Variants in SNX31 observed in about 807,000 individuals in gnomAD.
The protein encoded by SNX31 is sorting nexin-31.
In SNX31, 58 loss-of-function variants were observed where a neutral mutation model predicts 65.4. The ratio of observed to expected loss-of-function variants is 0.89; its 90% confidence interval spans 0.72 to 1.10. SNX31 has a LOEUF of 1.10. Ranked by LOEUF, SNX31 falls within the 50% of genes least tolerant of loss-of-function variation. The pLI is 0.00. For missense variants in SNX31, 523 were observed against 529.7 expected, an observed-to-expected ratio of 0.99 and a Z score of 0.12; for synonymous variants, 181 against 190.1, an observed-to-expected ratio of 0.95 and a Z score of 0.39.
At position 100,629,032 on chromosome 8, in the gene SNX31, G is replaced by A. The variant is rs1366482746; in HGVS notation, c.321+1295C>T. Among the ~76,000 whole-genome samples, 1 of 152,130 alleles carries A rather than the reference G, an allele frequency of 6.6e-6. No homozygotes were observed. The highest frequency in any genetic ancestry group is 1.5e-5 in the Non-Finnish European group (1 of 68,026). On this transcript the variant is annotated intron_variant, in intron 4 of 13. Coordinates refer to ENST00000311812, the MANE Select transcript of SNX31 (RefSeq NM_152628.4). This position sits in a 1 kb window ranked among gnomAD's most constrained non-coding sequence, Gnocchi z 5.1. ...CATAGTATACAGGTTTGTAGCCTAGGGGCAGTAGGCTCTACCATCTAGGTT... is the reference window on the plus strand; with the variant it reads ...CATAGTATACAGGTTTGTAGCCTAGAGGCAGTAGGCTCTACCATCTAGGTT...
In SNX31 at chr8:100,594,003, A is replaced by T. The variant is rs187859318; in HGVS notation, c.978+2636T>A. Among the ~76,000 whole-genome samples, 25 of 152,220 alleles carry T rather than the reference A, an allele frequency of 1.6e-4. No homozygotes were observed. Among genetic ancestry groups the T allele is most frequent in the Non-Finnish European group, 2.9e-4 (20 of 67,998 alleles). On this transcript the variant is annotated intron_variant, in intron 10 of 13. Transcript: ENST00000311812. This position sits in a 1 kb window ranked among gnomAD's most constrained non-coding sequence, Gnocchi z 4.0. ...TCTGCAAAAGACCTTGTTTAAGAGG[A>T]TGAAAAACTATAGAGTGGGCCAGGT... is the stretch of plus-strand genomic sequence containing the variant.
intron 10 of SNX31, among the ~76,000 whole-genome samples, chr8:100,593,439 C>T (rs1814770484): frequency 6.6e-6 from 1 of 151,994 alleles, no homozygotes; most frequent in South Asian, 2.1e-4. Context: ...GGGATAACCA[C>T]CTTATTTTTA....
chr8:100,649,362 G>A lies in SNX31; in HGVS notation c.67-14C>T. The A allele has an allele frequency of 6.2e-7, 1 of 1,613,470 alleles. No homozygotes were observed. The highest frequency in any genetic ancestry group is 1.1e-5 in the South Asian group (1 of 91,056). On this transcript the variant is annotated splice_polypyrimidine_tract_variant and intron_variant, in intron 1 of 13. Transcript: ENST00000311812. ...CACGGAGTACAGCTGCAAACACACAGACACCCCGTCCCTGGTGAGCCGAGG... is the reference window on the plus strand; with the variant it reads ...CACGGAGTACAGCTGCAAACACACAAACACCCCGTCCCTGGTGAGCCGAGG...
Position 100,630,210 on chromosome 8 carries a change from A to G in SNX31, c.321+117T>C. ...GACTTGAAATGAATATATTTTGTCC[A>G]AGTCCAGGCTCTGTGGGGCTGTGAC... On this transcript the variant is annotated intron_variant, in intron 4 of 13. Transcript: ENST00000311812. The surrounding 1 kb of genome is among the most constrained non-coding windows in gnomAD (Gnocchi z 5.3). The G allele has an allele frequency of 1.1e-6, 1 of 880,566 alleles. No individual in the cohort carries two copies. The highest frequency in any genetic ancestry group is 1.7e-6 in the Non-Finnish European group (1 of 576,708). The allele number at this position is 880,566 out of a possible 1,614,324, so 54.5% of individuals were successfully genotyped here.
chr8:100,651,549 C>T (rs1819974084), upstream of SNX31, among the ~76,000 whole-genome samples: 1 of 152,222 alleles, frequency 6.6e-6, no homozygotes, highest in African/African-American at 2.4e-5. Context: ...GTGCAAGTCA[C>T]CGTCCTCTTG....
intron 10 of SNX31, among the ~76,000 whole-genome samples, chr8:100,589,528 G>A (rs565149818): frequency 3.7e-4 from 57 of 152,282 alleles, no homozygotes; most frequent in Non-Finnish European, 6.9e-4. Context: ...TCCTGGAAGG[G>A]CCATCTGAGC....
intron 4 of SNX31, chr8:100,618,138 T>C (rs1329449608): frequency 1.0e-6 from 1 of 985,408 alleles, no homozygotes; most frequent in Non-Finnish European, 1.2e-6. Context: ...GGTGCTCTTC[T>C]AGCATATGGT....
intron 1 of SNX31, among the ~76,000 whole-genome samples, chr8:100,662,548 T>G (rs1809805186): frequency 6.6e-6 from 1 of 152,088 alleles, no homozygotes; most frequent in African/African-American, 2.4e-5. Context: ...AATACAAAAA[T>G]TAGCCAGGCG....
upstream of SNX31, among the ~76,000 whole-genome samples, chr8:100,652,780 T>A (rs963548670): frequency 6.6e-5 from 10 of 151,930 alleles, no homozygotes; most frequent in African/African-American, 2.2e-4. Context: ...GCCTCTGGGA[T>A]GGGGAGGGCA....
rs560361901 is a variant in SNX31 at position 100,614,144 on chromosome 8, A to G, written c.433-1059T>C. On this transcript the variant is annotated intron_variant, in intron 5 of 13. Coordinates refer to ENST00000311812, the MANE Select transcript of SNX31 (RefSeq NM_152628.4). This position sits in a 1 kb window ranked among gnomAD's most constrained non-coding sequence, Gnocchi z 5.1. ...AGAGCAGCTGAGGAATAGTTTCACC[A>G]CTTTCAAAGCAATTCCCTTCCCCTT... 1.4e-4 allele frequency among the ~76,000 whole-genome samples: 22 copies of G among 152,282 alleles called. No homozygotes were observed. The highest frequency in any genetic ancestry group is 5.3e-4 in the African/African-American group (22 of 41,560).
chr8:100,654,037 G>T (rs1820016663), upstream of SNX31, among the ~76,000 whole-genome samples: 1 of 152,148 alleles, frequency 6.6e-6, no homozygotes, highest in African/African-American at 2.4e-5. Flanking sequence ...ACAGGGTCTT[G>T]CTCTGTTGCC....
chr8:100,597,937 T>C (rs905279138), intron 9 of SNX31, among the ~76,000 whole-genome samples: 2 of 152,248 alleles, frequency 1.3e-5, no homozygotes, highest in Non-Finnish European at 2.9e-5. Context: ...CCTGGCCTAA[T>C]GGTATGTGAG....
Position 100,648,452 on chromosome 8 carries a change from G to A in SNX31, c.141+822C>T, listed in dbSNP as rs948618987. 2.6e-5 allele frequency among the ~76,000 whole-genome samples: 4 copies of A among 151,554 alleles called. No homozygotes were observed. ...TATTGGGATTACAAGCATGAGCCAC[G>A]GTGCCTGGCCTATACTTTTGTTTTT... is the stretch of plus-strand genomic sequence containing the variant. On this transcript the variant is annotated intron_variant, in intron 2 of 13. Coordinates refer to ENST00000311812, the MANE Select transcript of SNX31 (RefSeq NM_152628.4). This position sits in a 1 kb window ranked among gnomAD's most constrained non-coding sequence, Gnocchi z 4.3.
In SNX31 at chr8:100,586,506, T is replaced by C. The variant is rs1814064013; in HGVS notation, c.1093-2318A>G. Among the ~76,000 whole-genome samples, 4 of 152,206 alleles carry C rather than the reference T, an allele frequency of 2.6e-5. No homozygotes were observed. The South Asian group carries it at 8.3e-4, about 31-fold the overall frequency. ...TTAAACTCATTTGCTACTGCCTAGA[T>C]TGAAAAATCATAGTAAAATTTAACC... On this transcript the variant is annotated intron_variant, in intron 11 of 13. Coordinates refer to ENST00000311812, the MANE Select transcript of SNX31 (RefSeq NM_152628.4).
intron 2 of SNX31, among the ~76,000 whole-genome samples, chr8:100,641,625 C>CATATATATATAT (rs368399829): frequency 8.2e-4 from 40 of 48,800 alleles, no homozygotes; most frequent in African/African-American, 8.5e-4. Context: ...CACACACGCG[C>CATATATATATAT]ATATATATAT....
intron 10 of SNX31, among the ~76,000 whole-genome samples, chr8:100,592,453 G>A (rs1232588993): frequency 1.3e-5 from 2 of 152,122 alleles, no homozygotes; most frequent in East Asian, 3.8e-4. Flanking sequence ...CTACTAGGTT[G>A]GCTATAATAA....
intron 4 of SNX31, chr8:100,618,258 A>C (rs1332992583): frequency 2.1e-6 from 3 of 1,462,022 alleles, no homozygotes; most frequent in Non-Finnish European, 1.8e-6. Flanking sequence ...CCAAGTAAAC[A>C]ACTGAGTATC....
chr8:100,586,384 C>G (rs1277553073), intron 11 of SNX31, among the ~76,000 whole-genome samples: 1 of 152,122 alleles, frequency 6.6e-6, no homozygotes, highest in Non-Finnish European at 1.5e-5. Flanking sequence ...TAAAAAGTAG[C>G]CTTTGGGTGT....
At chr8:100,592,715 A>T (rs1260011533) in intron 10 of SNX31, among the ~76,000 whole-genome samples, 1 of 152,258 alleles carries the variant, frequency 6.6e-6, no homozygotes, top group Non-Finnish European at 1.5e-5. Context: ...AAAATATAGA[A>T]GCAACCCAAA....
Sources: allele counts gnomAD v4.1 joint callset (sites outside exome capture counted in the v4.1 genomes callset), GRCh38; gene constraint gnomAD v4.1.1; non-coding constraint Gnocchi (gnomAD v3.1); transcripts MANE v1.5; gene names NCBI Gene and HGNC (gene_info 2026-07-23, HGNC 2026-07-21).